PCDHA2: variants seen among roughly 807,000 people sequenced by gnomAD.
PCDHA2 encodes the protein protocadherin alpha 2.
In PCDHA2, 58 loss-of-function variants were observed where a neutral mutation model predicts 66.0. The observed-to-expected ratio is 0.88, with a 90% CI of 0.71 to 1.09. The LOEUF is 1.09. PCDHA2 is among the 50% of genes least tolerant of loss of function. The pLI is 0.00. For synonymous variants in PCDHA2, 634 were observed against 554.0 expected (o/e 1.14, Z -2.03); for missense variants, 1,267 against 1,242.3 (o/e 1.02, Z -0.30).
At chr5:141,009,034 C>T (rs183192515) in intron 3 of PCDHA2, among the ~76,000 whole-genome samples, 64 of 152,344 alleles carry the variant, frequency 4.2e-4, no homozygotes, top group African/African-American at 1.5e-3. Context: ...TTTCCCATCC[C>T]GTTCCCAGTC....
intron 1 of PCDHA2, chr5:140,857,618 C>T: frequency 6.3e-7 from 1 of 1,596,552 alleles, no homozygotes; most frequent in Non-Finnish European, 8.6e-7. Flanking sequence ...GCCGCTGGAC[C>T]ACGAGGAGCT....
intron 1 of PCDHA2, chr5:140,836,630 A>T (rs2150266222): frequency 6.2e-7 from 1 of 1,613,502 alleles, no homozygotes. Context: ...GGAGCTGGTC[A>T]TTCTCCCAGC....
At chr5:140,956,906 A>G (rs2095319439) in intron 1 of PCDHA2, among the ~76,000 whole-genome samples, 1 of 152,218 alleles carries the variant, frequency 6.6e-6, no homozygotes, top group Non-Finnish European at 1.5e-5. Flanking sequence ...TCTTAAATGT[A>G]TAAACTTTAA....
At chr5:140,993,509 CGG>C (rs2097568014) in intron 3 of PCDHA2, among the ~76,000 whole-genome samples, 2 of 143,600 alleles carry the variant, frequency 1.4e-5, no homozygotes, top group South Asian at 4.6e-4. Context: ...CACACACACA[CGG>C]GGAGAGAGAG....
intron 1 of PCDHA2, chr5:140,807,791 A>G: frequency 6.2e-7 from 1 of 1,614,158 alleles, no homozygotes; most frequent in Non-Finnish European, 8.5e-7. Context: ...ATCTTTAGAC[A>G]GAGAAGAAGC....
intron 1 of PCDHA2, chr5:140,808,053 T>G (rs1764088499): frequency 1.2e-6 from 2 of 1,614,034 alleles, no homozygotes; most frequent in Non-Finnish European, 1.7e-6. Flanking sequence ...TCGCCAAATG[T>G]GAAATCCAAG....
intron 1 of PCDHA2, among the ~76,000 whole-genome samples, chr5:140,888,673 A>G (rs571585641): frequency 6.6e-6 from 1 of 152,180 alleles, no homozygotes; most frequent in Non-Finnish European, 1.5e-5. Context: ...TGCCCTGTGC[A>G]TTAAGAGGTC....
intron 1 of PCDHA2, chr5:140,801,454 T>C (rs1762710977): frequency 1.2e-6 from 2 of 1,613,846 alleles, no homozygotes; most frequent in South Asian, 1.1e-5. Flanking sequence ...ATTTTGTTTG[T>C]GAATTCTCGG....
intron 1 of PCDHA2, among the ~76,000 whole-genome samples, chr5:140,839,001 C>A (rs1775989279): frequency 6.6e-6 from 1 of 151,970 alleles, no homozygotes; most frequent in Non-Finnish European, 1.5e-5. Flanking sequence ...TTCTAATATA[C>A]TTTAGTAAAT....
intron 1 of PCDHA2, chr5:140,869,195 T>A (rs1554162619): frequency 6.2e-7 from 1 of 1,613,916 alleles, no homozygotes; most frequent in East Asian, 2.2e-5. Flanking sequence ...AGCGGCCAGC[T>A]CCACTACTCC....
intron 1 of PCDHA2, among the ~76,000 whole-genome samples, chr5:140,899,982 A>T (rs185115696): frequency 3.3e-4 from 49 of 150,716 alleles, no homozygotes; most frequent in African/African-American, 1.1e-3. Flanking sequence ...TACTTTTTTG[A>T]TTTTTTTTGT....
intron 1 of PCDHA2, chr5:140,808,843 G>A (rs782721036): frequency 3.7e-6 from 6 of 1,613,058 alleles, no homozygotes; most frequent in Admixed American, 1.7e-5. Context: ...TGACGCTGCA[G>A]GTGTTCGTGC....
intron 1 of PCDHA2, among the ~76,000 whole-genome samples, chr5:140,946,434 T>C (rs1554217579): frequency 2.0e-5 from 3 of 151,312 alleles, no homozygotes; most frequent in South Asian, 2.1e-4. Context: ...TACTCAAAAA[T>C]TGAGACTAAA....
intron 1 of PCDHA2, among the ~76,000 whole-genome samples, chr5:140,913,152 T>G (rs2076232515): frequency 6.6e-6 from 1 of 152,178 alleles, no homozygotes; most frequent in Admixed American, 6.5e-5. Context: ...ATAGTTTGAG[T>G]AGGATTGGTA....
At chr5:140,842,669 G>C (rs1554139258) in intron 1 of PCDHA2, 2 of 1,595,384 alleles carry the variant, frequency 1.3e-6, no homozygotes, top group East Asian at 2.2e-5. Context: ...CGACGTGAAC[G>C]ACAATGCTCC....
intron 1 of PCDHA2, chr5:140,807,985 C>T (rs782010468): frequency 1.9e-6 from 3 of 1,613,554 alleles, no homozygotes; most frequent in East Asian, 4.5e-5. Context: ...AACTTAACGC[C>T]TCAGATTTAG....
Position 140,929,423 on chromosome 5 carries a change from C to T in PCDHA2, c.2389-49526C>T, listed in dbSNP as rs1435902323. 4.7e-6 allele frequency: 7 copies of T among 1,499,372 alleles called. No homozygotes were observed. In the Admixed American group the frequency reaches 7.1e-5, roughly 15 times the overall value. The allele number at this position is 1,499,372 out of a possible 1,614,324, so 92.9% of individuals were successfully genotyped here. A position where few individuals can be genotyped will look rare whatever the true frequency, so the allele number is the denominator to read the frequency against. The stretch of plus-strand genomic sequence containing the variant: ...AGACAAGCCTTTCACAACATTTCAT[C>T]AATTGAACTAAACACTCCTTCTTAG... On this transcript the variant is annotated intron_variant, in intron 1 of 3. Transcript: ENST00000526136.
chr5:140,828,869 A>T, intron 1 of PCDHA2: 1 of 1,614,256 alleles, frequency 6.2e-7, no homozygotes, highest in Non-Finnish European at 8.5e-7. Flanking sequence ...CAACGGAACA[A>T]CAGTTATCAG....
At chr5:140,825,959 T>C (rs1434784676) in intron 1 of PCDHA2, 5 of 152,496 alleles carry the variant, frequency 3.3e-5, no homozygotes, top group African/African-American at 1.2e-4. Context: ...ATTTGTCTAC[T>C]CTTTTGAGGG....
Sources: allele counts gnomAD v4.1 joint callset (sites outside exome capture counted in the v4.1 genomes callset), GRCh38; gene constraint gnomAD v4.1.1; transcripts MANE v1.5; gene names NCBI Gene and HGNC (gene_info 2026-07-23, HGNC 2026-07-21).